The following ZMYM4 variants were observed in gnomAD, a reference collection of about 807,000 sequenced individuals.
ZMYM4 encodes zinc finger MYM-type containing 4.
Under a neutral mutation model 183.2 loss-of-function variants are expected in ZMYM4, and 31 were observed. The observed-to-expected ratio is 0.17, with a 90% CI of 0.13 to 0.23. The LOEUF (loss-of-function observed/expected upper bound fraction) is 0.23, where lower values mean the gene tolerates loss of function less well. Among genes scored for constraint, ZMYM4 ranks in the 10% least tolerant of loss-of-function variants. ZMYM4 has a pLI of 1.00. For missense variants in ZMYM4, 1,273 were observed against 1,840.3 expected, an observed-to-expected ratio of 0.69 and a Z score of 5.64; for synonymous variants, 592 against 631.2, an observed-to-expected ratio of 0.94 and a Z score of 0.93.
intron 1 of ZMYM4, among the ~76,000 whole-genome samples, chr1:35,282,486 A>G (rs2148690460): frequency 6.6e-6 from 1 of 152,374 alleles, no homozygotes. Flanking sequence ...AAGACTAAAC[A>G]GACTAGTACA....
At chr1:35,375,384 T>C (rs1264282403) in intron 7 of ZMYM4, among the ~76,000 whole-genome samples, 1 of 152,218 alleles carries the variant, frequency 6.6e-6, no homozygotes, top group East Asian at 1.9e-4. Flanking sequence ...GTACCAAAAA[T>C]ATAAGGAAGC....
intron 23 of ZMYM4, among the ~76,000 whole-genome samples, chr1:35,403,574 C>T (rs949720641): frequency 6.6e-6 from 1 of 152,116 alleles, no homozygotes; most frequent in African/African-American, 2.4e-5. Context: ...GTGTGAGCTG[C>T]CATGGCTGGC....
intron 18 of ZMYM4, among the ~76,000 whole-genome samples, chr1:35,396,052 T>G (rs1044304241): frequency 1.4e-4 from 22 of 152,228 alleles, no homozygotes; most frequent in African/African-American, 4.6e-4. Context: ...GCTCTACATA[T>G]TATAATTGCC....
At chr1:35,336,586 G>A (rs1642985189) in intron 2 of ZMYM4, among the ~76,000 whole-genome samples, 1 of 151,866 alleles carries the variant, frequency 6.6e-6, no homozygotes, top group African/African-American at 2.4e-5. Flanking sequence ...TGTATTTTTA[G>A]TAGAGACAGG....
intron 15 of ZMYM4, among the ~76,000 whole-genome samples, chr1:35,391,994 T>C (rs1445256130): frequency 2.6e-5 from 4 of 151,942 alleles, no homozygotes; most frequent in Non-Finnish European, 5.9e-5. Flanking sequence ...TGAGCTGATA[T>C]CGTGCCACTG....
intron 1 of ZMYM4, among the ~76,000 whole-genome samples, chr1:35,304,513 A>T (rs1444691975): frequency 6.7e-6 from 1 of 148,316 alleles, no homozygotes. Flanking sequence ...GCTGGGGTGC[A>T]ATGGCTCGAT....
chr1:35,381,138 A>G (rs1644449371), intron 7 of ZMYM4, 121 bp from the exon 8 acceptor site: 2 of 791,946 alleles, frequency 2.5e-6, no homozygotes, highest in Non-Finnish European at 3.7e-6. Flanking sequence ...TTTTAAACTT[A>G]AATTCCAGTG....
chr1:35,358,953 T>C lies in ZMYM4; in HGVS notation c.114T>C (p.Ser38=), dbSNP rs1476993028. ...GTGGTATCATGGATACAGAAATGTC[T>C]GAAGATATAGACCACAACTTAACTC... ...NCGGIMDTEM[S]EDIDHNLTPT... is the part of the protein sequence containing the mutation. The change falls in exon 3 of 30, where the codon TCT becomes TCC. Residue 38 remains serine, a synonymous_variant. Transcript: ENST00000314607. 2 of 1,613,266 alleles carry C rather than the reference T, an allele frequency of 1.2e-6. No individual in the cohort carries two copies. The highest frequency in any genetic ancestry group is 1.7e-6 in the Non-Finnish European group (2 of 1,179,476).
intron 1 of ZMYM4, among the ~76,000 whole-genome samples, chr1:35,287,937 A>G (rs1640586465): frequency 1.3e-5 from 2 of 151,990 alleles, no homozygotes; most frequent in African/African-American, 2.4e-5. Flanking sequence ...CAGTCTTGCT[A>G]TGTTGCCCTG....
chr1:35,396,689 A>G lies in ZMYM4; in HGVS notation c.3030+19A>G. The G allele has an allele frequency of 6.2e-7, 1 of 1,611,042 alleles. No homozygotes were observed. Among genetic ancestry groups the G allele is most frequent in the Non-Finnish European group, 8.5e-7 (1 of 1,178,606 alleles). ...AGTTCCAGTGAGTAATCATTTAGAG[A>G]TTAAAGCTAATATAGCATGCATTTT... is the stretch of plus-strand genomic sequence containing the variant. On this transcript the variant is annotated intron_variant, in intron 19 of 29. Coordinates refer to ENST00000314607, the MANE Select transcript of ZMYM4 (RefSeq NM_005095.3).
chr1:35,374,088 A>G (rs1427024025), intron 7 of ZMYM4, among the ~76,000 whole-genome samples: 1 of 131,944 alleles, frequency 7.6e-6, no homozygotes, highest in Non-Finnish European at 1.5e-5. Context: ...CTGGAGTGCA[A>G]TGGCACGATC....
At chr1:35,274,668 AGTT>A (rs933367151) in intron 1 of ZMYM4, among the ~76,000 whole-genome samples, 1 of 149,680 alleles carries the variant, frequency 6.7e-6, no homozygotes, top group African/African-American at 2.5e-5. Flanking sequence ...AATGATTCTG[AGTT>A]GTTTTCACAC....
intron 1 of ZMYM4, among the ~76,000 whole-genome samples, chr1:35,295,000 T>C (rs912769876): frequency 6.6e-6 from 1 of 152,222 alleles, no homozygotes; most frequent in Admixed American, 6.5e-5. Flanking sequence ...CATGCTTTCA[T>C]TCAACAAGTG....
chr1:35,410,612 C>G (rs1245294115), intron 26 of ZMYM4, among the ~76,000 whole-genome samples: 1 of 151,628 alleles, frequency 6.6e-6, no homozygotes, highest in African/African-American at 2.4e-5. Context: ...CGTCAGCCTC[C>G]CGAGTAGCTG....
At chr1:35,331,805 A>C (rs866421942) in intron 2 of ZMYM4, among the ~76,000 whole-genome samples, 11 of 133,104 alleles carry the variant, frequency 8.3e-5, no homozygotes, top group African/African-American at 2.8e-4. Context: ...TACATAAATA[A>C]ATAAATAAAT....
At chr1:35,339,711 C>T (rs1410499577) in intron 2 of ZMYM4, among the ~76,000 whole-genome samples, 1 of 152,118 alleles carries the variant, frequency 6.6e-6, no homozygotes. Flanking sequence ...ATATTATTTC[C>T]TAAAATCTTT....
intron 1 of ZMYM4, among the ~76,000 whole-genome samples, chr1:35,319,004 G>A (rs1045861002): frequency 6.6e-6 from 1 of 151,914 alleles, no homozygotes; most frequent in Non-Finnish European, 1.5e-5. Flanking sequence ...CTCCTGCCTC[G>A]TGAGTAGCTG....
intron 7 of ZMYM4, among the ~76,000 whole-genome samples, chr1:35,380,920 G>C (rs1451798352): frequency 2.0e-5 from 3 of 151,984 alleles, no homozygotes; most frequent in Non-Finnish European, 4.4e-5. Context: ...AGAATATTTT[G>C]AAAATACAGA....
intron 2 of ZMYM4, among the ~76,000 whole-genome samples, chr1:35,354,721 T>C (rs1262841481): frequency 7.4e-6 from 1 of 134,946 alleles, no homozygotes; most frequent in Non-Finnish European, 1.5e-5. Context: ...AGTGAAACTT[T>C]GTCTTTAAAA....
Sources: gnomAD v4.1 joint callset for allele counts (sites outside exome capture counted in the v4.1 genomes callset) on GRCh38, gnomAD v4.1.1 for gene constraint, MANE v1.5 for transcripts, NCBI Gene and HGNC (gene_info 2026-07-23, HGNC 2026-07-21) for gene names.